The following TTN variants were observed in gnomAD, a reference collection of about 807,000 sequenced individuals.
The protein encoded by TTN is connectin.
TTN carries 1,525 observed loss-of-function variants against 3,223.0 expected under a neutral mutation model. The observed-to-expected ratio is 0.47, with a 90% CI of 0.45 to 0.49. The LOEUF (loss-of-function observed/expected upper bound fraction) is 0.49, where lower values mean the gene tolerates loss of function less well. Among genes scored for constraint, TTN ranks in the 20% least tolerant of loss-of-function variants. The probability of loss-of-function intolerance (pLI) is 0.00; values close to 1 mark genes in which losing one functional copy is unlikely to be tolerated. For missense variants in TTN, 40,786 were observed against 43,424.0 expected (o/e 0.94, Z 5.40); for synonymous variants, 14,094 against 15,161.0 (o/e 0.93, Z 5.17).
At chr2:178,755,926 C>T (rs1240201259) in intron 46 of TTN, among the ~76,000 whole-genome samples, 1 of 152,178 alleles carries the variant, frequency 6.6e-6, no homozygotes, top group Non-Finnish European at 1.5e-5. Flanking sequence ...TTTAACTTTG[C>T]TACACTTTCT....
chr2:178,764,113 G>C, intron 43 of TTN, 64 bp downstream of exon 43: 1 of 1,610,182 alleles, frequency 6.2e-7, no homozygotes, highest in South Asian at 1.1e-5. Context: ...GAAGCTGACA[G>C]AATGTTTTTC....
At position 178,590,828 on chromosome 2, in the gene TTN, A is replaced by T. The variant is rs758870506; in HGVS notation, c.60897T>A (p.Gly20299=). The change falls in exon 304 of 363, where the codon GGT becomes GGA. Residue 20299 remains glycine, a synonymous_variant. Coordinates refer to ENST00000589042, the MANE Select transcript of TTN (RefSeq NM_001267550.2). The stretch of plus-strand genomic sequence containing the variant: ...TATAGTAGCCAGTTATTGGACTGCC[A>T]CCATCAGATTTTGGCAGGGTCCAAG... ...TVSWTLPKSD[G]GSPITGYYME... is the part of the protein sequence containing the mutation. The T allele has an allele frequency of 1.9e-6, 3 of 1,607,180 alleles. No individual in the cohort carries two copies. Among genetic ancestry groups the T allele is most frequent in the Non-Finnish European group, 2.6e-6 (3 of 1,174,386 alleles).
rs201364164 is a variant in TTN at position 178,542,314 on chromosome 2, C to T, written c.97442G>A (p.Gly32481Glu). The change falls in exon 349 of 363, where the codon GGG becomes GAG. Residue 32481 changes from glycine (G) to glutamate (E), a missense_variant. By Grantham distance (98) the Gly-to-Glu change is moderately conservative. Transcript: ENST00000589042. ...CTCAGACTGCAAGTAAGAGCCAATCCCGAAGCGGTTTGTTGCAGCCACACG... is the reference window on the plus strand; with the variant it reads ...CTCAGACTGCAAGTAAGAGCCAATCTCGAAGCGGTTTGTTGCAGCCACACG... ...VFRVAATNRF[G>E]IGSYLQSEVI... The T allele has an allele frequency of 7.1e-5, 114 of 1,612,626 alleles. 1 individual carries two copies. In the Middle Eastern group the frequency reaches 2.1e-3, roughly 30 times the overall value.
At chr2:178,756,861 T>C in intron 45 of TTN, 64 bp from the exon 46 acceptor site, 4 of 1,447,254 alleles carry the variant, frequency 2.8e-6, no homozygotes, top group Admixed American at 3.9e-5. Flanking sequence ...CACTTGCCCA[T>C]GTTAGTAACA....
rs1709023380 is a variant in TTN at position 178,573,615 on chromosome 2, C to T, written c.72517G>A (p.Val24173Ile). Residue 24173 changes from valine (V) to isoleucine (I), a missense_variant, in exon 326 of 363, where the codon GTA (valine) becomes ATA (isoleucine). Coordinates refer to ENST00000589042, the MANE Select transcript of TTN (RefSeq NM_001267550.2). ...RETSRLAWTN[V>I]ASEVQVTKLK... ...TTTGTTACTTGGACTTCTGAGGCTA[C>T]ATTTGTCCATGCCAATCTGCTGGTT... 4.7e-6 allele frequency: 7 copies of T among 1,499,564 alleles called. No homozygotes were observed. The highest frequency in any genetic ancestry group is 1.4e-5 in the African/African-American group (1 of 71,342). The allele number at this position is 1,499,564 out of a possible 1,614,324, so 92.9% of individuals were successfully genotyped here. A position where few individuals can be genotyped will look rare whatever the true frequency, so the allele number is the denominator to read the frequency against.
chr2:178,776,290 T>C lies in TTN; in HGVS notation c.5574A>G (p.Ala1858=), dbSNP rs1322807603. 1 of 1,614,094 alleles carries C rather than the reference T, an allele frequency of 6.2e-7. No individual in the cohort carries two copies. The highest frequency in any genetic ancestry group is 8.5e-7 in the Non-Finnish European group (1 of 1,179,986). ...AGCCTGTTACCCTGCAGCGGAACCT[T>C]GCAGTCTCCCCTTCAAGTACTCTAA... The part of the protein sequence containing the change: ...EPVRVLEGET[A]RFRCRVTGYP... The change falls in exon 28 of 363, where the codon GCA becomes GCG. Residue 1858 remains alanine, a synonymous_variant. Coordinates refer to ENST00000589042, the MANE Select transcript of TTN (RefSeq NM_001267550.2).
intron 43 of TTN, among the ~76,000 whole-genome samples, chr2:178,759,720 G>T (rs891488873): frequency 1.3e-5 from 2 of 152,250 alleles, no homozygotes; most frequent in African/African-American, 2.4e-5. Flanking sequence ...TGAGCAAAAG[G>T]TTTCAGTACG....
rs142317329 is a variant in TTN at position 178,610,923 on chromosome 2, T to C, written c.51136+70A>G. The C allele has an allele frequency of 2.2e-5, 35 of 1,573,800 alleles. No homozygotes were observed. The African/African-American group carries it at 4.2e-4, about 19-fold the overall frequency. ...TTCATGAAGCCAATTATATTATTAA[T>C]AGCACTGCAAAGTTAACTAATTTCC... On this transcript the variant is annotated intron_variant, in intron 270 of 362. Transcript: ENST00000589042.
rs755700079 is a variant in TTN, at chr2:178,590,137, G to A, written c.61588C>T (p.Pro20530Ser). 7 of 1,613,226 alleles carry A rather than the reference G, an allele frequency of 4.3e-6. No homozygotes were observed. Among genetic ancestry groups the A allele is most frequent in the African/African-American group, 1.3e-5 (1 of 74,976 alleles). ...TCTTTAATTTGTAACTCAACACGAG[G>A]TAGATCCTGAATAAGGTCCACCCTC... ...EKRVDLIQDL[P>S]RVELQIKEAV... Residue 20530 changes from proline (P) to serine (S), a missense_variant, in exon 304 of 363, where the codon CCT (proline) becomes TCT (serine). Coordinates refer to ENST00000589042, the MANE Select transcript of TTN (RefSeq NM_001267550.2).
intron 9 of TTN, among the ~76,000 whole-genome samples, chr2:178,792,532 C>T (rs533507301): frequency 2.1e-4 from 32 of 152,254 alleles, no homozygotes; most frequent in African/African-American, 6.5e-4. Flanking sequence ...TAAAGGTAAT[C>T]TTAGAATATA....
Position 178,778,981 on chromosome 2 carries a change from G to T in TTN, c.4101C>A (p.Ser1367Arg), listed in dbSNP as rs1307238681. 15 of 1,613,852 alleles carry T rather than the reference G, an allele frequency of 9.3e-6. No homozygotes were observed. Among genetic ancestry groups the T allele is most frequent in the Non-Finnish European group, 1.3e-5 (15 of 1,179,962 alleles). ...AGCAAATTGCATTTCCTTTAATATTGCTGGCAAATGCAGTGTAGATTCCTT... is the reference window on the plus strand; with the variant it reads ...AGCAAATTGCATTTCCTTTAATATTTCTGGCAAATGCAGTGTAGATTCCTT... Reference protein sequence around the residue: ...EDEGIYTAFASNIKGNAICSG... With the variant: ...EDEGIYTAFARNIKGNAICSG... The change falls in exon 24 of 363, where the codon AGC becomes AGA. Residue 1367 changes from serine to arginine, a missense_variant. Coordinates refer to ENST00000589042, the MANE Select transcript of TTN (RefSeq NM_001267550.2).
chr2:178,622,634 T>C (rs957557432), intron 243 of TTN, 36 bp downstream of exon 243: 38 of 1,525,738 alleles, frequency 2.5e-5, no homozygotes, highest in Non-Finnish European at 3.3e-5. Flanking sequence ...ATAAAGTTAT[T>C]TGACAGTACA....
chr2:178,527,972 C>A (rs1335493457), intron 361 of TTN: 1 of 542,908 alleles, frequency 1.8e-6, no homozygotes, highest in African/African-American at 1.9e-5. Context: ...ACATTACATG[C>A]AGGTGCTAGG....
intron 47 of TTN, chr2:178,747,907 G>T (rs876657620): frequency 1.2e-6 from 2 of 1,613,050 alleles, no homozygotes; most frequent in Non-Finnish European, 1.7e-6. Flanking sequence ...AGAGTGGGAA[G>T]CACTGACTCA....
In TTN at chr2:178,753,158, C is replaced by G; in HGVS notation, c.11277G>C (p.Glu3759Asp). 6.2e-7 allele frequency: 1 copy of G among 1,609,406 alleles called. No homozygotes were observed. Among genetic ancestry groups the G allele is most frequent in the Non-Finnish European group, 8.5e-7 (1 of 1,177,372 alleles). The change falls in exon 47 of 363, where the codon GAG (glutamate) becomes GAC (aspartate). Residue 3759 changes from glutamate to aspartate, a missense_variant. Transcript: ENST00000589042. ...VEGAPESILH[E>D]RIEQEIEMEM... ...CCATCTCAATCTCTTGTTCAATCCT[C>G]TCATGCAAAATTGATTCAGGAGCTA...
At chr2:178,651,426 C>T (rs766264745) in intron 207 of TTN, 27 bp downstream of exon 207, 1 of 1,603,998 alleles carries the variant, frequency 6.2e-7, no homozygotes, top group Non-Finnish European at 8.5e-7. Context: ...CATCCGCCCC[C>T]ATCAAACAGT....
chr2:178,640,852 A>C (rs1015558393), intron 220 of TTN, among the ~76,000 whole-genome samples: 1 of 151,858 alleles, frequency 6.6e-6, no homozygotes, highest in African/African-American at 2.4e-5. Flanking sequence ...CTCTCCTTCT[A>C]AATCACTTCT....
chr2:178,653,062 G>A lies in TTN; in HGVS notation c.38854C>T (p.Pro12952Ser), dbSNP rs765111099. 2 of 1,613,204 alleles carry A rather than the reference G, an allele frequency of 1.2e-6. No individual in the cohort carries two copies. Among genetic ancestry groups the A allele is most frequent in the East Asian group, 2.2e-5 (1 of 44,860 alleles). The part of the protein sequence containing the change: ...KKVPVTPPKK[P>S]EVPPVKVPEA... Reference sequence around the variant, plus strand: ...ATACCTTTAACAGGTGGGACTTCAGGTTTTTTAGGAGGAGTCACTGGCACT... The same window carrying A: ...ATACCTTTAACAGGTGGGACTTCAGATTTTTTAGGAGGAGTCACTGGCACT... Residue 12952 changes from proline to serine, a missense_variant, in exon 199 of 363, where the codon CCT becomes TCT. Transcript: ENST00000589042.
chr2:178,553,698 A>T lies in TTN; in HGVS notation c.89307T>A (p.Tyr29769Ter). The T allele has an allele frequency of 6.2e-7, 1 of 1,613,838 alleles. No individual in the cohort carries two copies. The highest frequency in any genetic ancestry group is 8.5e-7 in the Non-Finnish European group (1 of 1,179,804). ...CCTCTCCTTGTCTTATCTCGACAAC[A>T]TACCCAGTAACAGCACTGCCCCCAT... ...VYDGGSAVTG[Y>*]VVEIRQGEEE... The change falls in exon 334 of 363, where the codon TAT becomes TAA. Residue 29769 changes from tyrosine (Y) to a stop codon, truncating the protein, a stop_gained. Coordinates refer to ENST00000589042, the MANE Select transcript of TTN (RefSeq NM_001267550.2). LOFTEE classifies it high-confidence loss of function.
Sources: gnomAD v4.1 joint callset for allele counts (sites outside exome capture counted in the v4.1 genomes callset) on GRCh38, gnomAD v4.1.1 for gene constraint, MANE v1.5 for transcripts, NCBI Gene and HGNC (gene_info 2026-07-23, HGNC 2026-07-21) for gene names.